Variants in PCNX2 observed in about 807,000 individuals in gnomAD.
PCNX2 encodes pecanex-like protein 2.
In PCNX2, 168 loss-of-function variants were observed where a neutral mutation model predicts 223.8. That is an observed-to-expected ratio of 0.75 (90% confidence interval 0.66 to 0.85). The LOEUF is 0.85. Among genes scored for constraint, PCNX2 ranks in the 40% least tolerant of loss-of-function variants. PCNX2 has a pLI of 0.00. For synonymous variants in PCNX2, 1,006 were observed against 1,052.6 expected, an observed-to-expected ratio of 0.96 and a Z score of 0.86; for missense variants, 2,507 against 2,675.5, an observed-to-expected ratio of 0.94 and a Z score of 1.39.
intron 21 of PCNX2, among the ~76,000 whole-genome samples, chr1:233,119,154 C>T (rs1185812377): frequency 3.3e-5 from 5 of 151,554 alleles, no homozygotes; most frequent in Non-Finnish European, 7.4e-5. Flanking sequence ...TATAAATAGG[C>T]AAAAAAATTA....
At chr1:233,280,901 T>A (rs1309309702) in intron 1 of PCNX2, among the ~76,000 whole-genome samples, 1 of 152,176 alleles carries the variant, frequency 6.6e-6, no homozygotes, top group East Asian at 1.9e-4. Flanking sequence ...TTAAGGACAA[T>A]AAGTATAAAA....
chr1:233,208,943 T>C (rs199790827), intron 12 of PCNX2, among the ~76,000 whole-genome samples: 7,363 of 151,040 alleles, frequency 0.049, 563 homozygotes, highest in African/African-American at 0.16. Context: ...CCTATCATTC[T>C]CAACAAGATT....
rs1553299514 is a variant in PCNX2 at position 233,141,799 on chromosome 1, GTA to G, written c.3518-1946_3518-1945del. Among the ~76,000 whole-genome samples the G allele has an allele frequency of 1.6e-4, 24 of 150,418 alleles. No homozygotes were observed. The South Asian group carries it at 2.7e-3, about 17-fold the overall frequency. On this transcript the variant is annotated intron_variant, in intron 19 of 33. Transcript: ENST00000258229. Reference sequence around the variant, plus strand: ...TGTGTGTGTGTGTGTGTGTGTGTGTGTATATGAAGAGAGACTTGGCATTTAGA... The same window carrying G: ...TGTGTGTGTGTGTGTGTGTGTGTGTGTATGAAGAGAGACTTGGCATTTAGA...
At chr1:233,263,489 T>C (rs1418826960) in intron 1 of PCNX2, among the ~76,000 whole-genome samples, 2 of 148,662 alleles carry the variant, frequency 1.3e-5, no homozygotes, top group Non-Finnish European at 3.0e-5. Flanking sequence ...AGTGTCTCAC[T>C]GTATCACCCA....
chr1:233,149,226 T>A (rs1042288794), intron 19 of PCNX2, among the ~76,000 whole-genome samples: 7 of 152,268 alleles, frequency 4.6e-5, no homozygotes, highest in African/African-American at 1.7e-4. Context: ...CAAGTTTATA[T>A]ATAACTCATT....
the PCNX2 span, among the ~76,000 whole-genome samples, chr1:233,325,413 C>T: frequency 2.0e-5 from 3 of 151,022 alleles, no homozygotes; most frequent in African/African-American, 7.3e-5. Context: ...AATCCCAGCA[C>T]TTTGGGAGGC....
At chr1:233,003,952 CGA>C (rs1670184732) in intron 28 of PCNX2, among the ~76,000 whole-genome samples, 1 of 151,870 alleles carries the variant, frequency 6.6e-6, no homozygotes, top group Non-Finnish European at 1.5e-5. Context: ...ACCTGAACAA[CGA>C]GAACACATGA....
At chr1:233,007,243 CAGA>C (rs756265462) in intron 28 of PCNX2, among the ~76,000 whole-genome samples, 14 of 151,214 alleles carry the variant, frequency 9.3e-5, no homozygotes, top group African/African-American at 2.7e-4. Flanking sequence ...AAAAGTGAAA[CAGA>C]AGGAGACACC....
rs146587940 is a variant in PCNX2, at chr1:232,991,454, C to T, written c.5792-4914G>A. 3.2e-3 allele frequency among the ~76,000 whole-genome samples: 485 copies of T among 152,108 alleles called. 2 individuals carry two copies. Among genetic ancestry groups the T allele is most frequent in the African/African-American group, 0.01 (428 of 41,492 alleles). Reference sequence around the variant, plus strand: ...GCGGGGGAGGGGTGCTCATGGGATGCGCGTGGGTGTTCCGGGCTGAATCAT... The same window carrying T: ...GCGGGGGAGGGGTGCTCATGGGATGTGCGTGGGTGTTCCGGGCTGAATCAT... On this transcript the variant is annotated intron_variant, in intron 32 of 33. Transcript: ENST00000258229. The surrounding 1 kb of genome is among the most constrained non-coding windows in gnomAD (Gnocchi z 4.3).
At chr1:233,094,276 G>A (rs774571596) in intron 22 of PCNX2, among the ~76,000 whole-genome samples, 2 of 152,070 alleles carry the variant, frequency 1.3e-5, no homozygotes, top group Admixed American at 6.5e-5. Flanking sequence ...ATTCTAAAGA[G>A]GAAACTTTAG....
At chr1:233,169,422 G>A (rs569794675) in intron 17 of PCNX2, among the ~76,000 whole-genome samples, 13 of 151,804 alleles carry the variant, frequency 8.6e-5, no homozygotes, top group South Asian at 8.3e-4. Context: ...CGAGACGGGC[G>A]GATCACGAGG....
chr1:233,113,011 C>T (rs1488691899), intron 21 of PCNX2: 1 of 1,288,854 alleles, frequency 7.8e-7, no homozygotes, highest in Non-Finnish European at 1.0e-6. Flanking sequence ...GGCTGTAAAT[C>T]TTTAAGGGAT....
At chr1:233,277,225 T>TG (rs1202761460) in intron 1 of PCNX2, among the ~76,000 whole-genome samples, 2 of 152,162 alleles carry the variant, frequency 1.3e-5, no homozygotes, top group Admixed American at 1.3e-4. Flanking sequence ...GCTGAGCCCT[T>TG]GAGGTCCTCC....
chr1:233,298,550 G>A (rs2103036675), upstream of PCNX2, among the ~76,000 whole-genome samples: 1 of 152,312 alleles, frequency 6.6e-6, no homozygotes, highest in African/African-American at 2.4e-5. Flanking sequence ...AGGTGCAATG[G>A]TCAAGAAAGT....
At chr1:233,161,408 C>A in intron 17 of PCNX2, 45 bp from the exon 18 acceptor site, 1 of 1,518,142 alleles carries the variant, frequency 6.6e-7, no homozygotes, top group South Asian at 1.1e-5. Context: ...TCATTTCTCT[C>A]AGCAACTCTG....
intron 25 of PCNX2, chr1:233,033,050 T>C: frequency 1.0e-6 from 1 of 985,402 alleles, no homozygotes; most frequent in Non-Finnish European, 1.2e-6. Context: ...CCAAAGGAAA[T>C]GCTGAAGGTC....
At chr1:233,297,389 C>T (rs1215693271), upstream of PCNX2, among the ~76,000 whole-genome samples, 1 of 152,164 alleles carries the variant, frequency 6.6e-6, no homozygotes, top group Non-Finnish European at 1.5e-5. Context: ...AAATCAAAGA[C>T]TTGCAATAAA....
intron 21 of PCNX2, among the ~76,000 whole-genome samples, chr1:233,127,405 C>T (rs2102748280): frequency 6.6e-6 from 1 of 152,282 alleles, no homozygotes; most frequent in Non-Finnish European, 1.5e-5. Flanking sequence ...TCACTCCTCC[C>T]TGCCTTCTTT....
chr1:233,041,144 T>G (rs529048397), intron 25 of PCNX2, among the ~76,000 whole-genome samples: 2 of 152,306 alleles, frequency 1.3e-5, no homozygotes, highest in East Asian at 1.9e-4. Flanking sequence ...CAACCCAGTC[T>G]TGGTTAACTC....
Sources: allele counts gnomAD v4.1 joint callset (sites outside exome capture counted in the v4.1 genomes callset), GRCh38; gene constraint gnomAD v4.1.1; non-coding constraint Gnocchi (gnomAD v3.1); transcripts MANE v1.5; gene names NCBI Gene and HGNC (gene_info 2026-07-23, HGNC 2026-07-21).